The following PCSK6 variants were observed in gnomAD, a reference collection of about 807,000 sequenced individuals.
PCSK6 encodes the protein paired basic amino acid cleaving enzyme 4.
In PCSK6, 85 loss-of-function variants were observed where a neutral mutation model predicts 123.3. That is an observed-to-expected ratio of 0.69 (90% confidence interval 0.58 to 0.83). The LOEUF (loss-of-function observed/expected upper bound fraction) is 0.83, where lower values mean the gene tolerates loss of function less well. PCSK6 is among the 40% of genes least tolerant of loss of function. The pLI is 0.00. For synonymous variants in PCSK6, 508 were observed against 516.0 expected (o/e 0.98, Z 0.21); for missense variants, 1,191 against 1,282.3 (o/e 0.93, Z 1.09).
At chr15:101,474,619 C>T (rs1290164416) in intron 1 of PCSK6, among the ~76,000 whole-genome samples, 1 of 152,174 alleles carries the variant, frequency 6.6e-6, no homozygotes, top group African/African-American at 2.4e-5. Flanking sequence ...CCTTACTGAG[C>T]TGATTTTTCT....
intron 10 of PCSK6, chr15:101,384,031 G>T: frequency 1.2e-6 from 1 of 843,450 alleles, no homozygotes; most frequent in Non-Finnish European, 1.4e-6. Context: ...CATTGCTCCT[G>T]GCTTAAAGAG....
intron 19 of PCSK6, among the ~76,000 whole-genome samples, chr15:101,314,204 C>T (rs1255452073): frequency 1.3e-5 from 2 of 152,078 alleles, no homozygotes; most frequent in South Asian, 2.1e-4. Context: ...GAAGACACAA[C>T]AGTTCTGAGC....
At chr15:101,459,255 G>A (rs946816999) in intron 1 of PCSK6, among the ~76,000 whole-genome samples, 1 of 152,168 alleles carries the variant, frequency 6.6e-6, no homozygotes, top group Non-Finnish European at 1.5e-5. Flanking sequence ...CCTGCACAGG[G>A]AATCATGTGT....
At chr15:101,363,422 C>T (rs2041292508) in intron 13 of PCSK6, among the ~76,000 whole-genome samples, 1 of 152,226 alleles carries the variant, frequency 6.6e-6, no homozygotes, top group Non-Finnish European at 1.5e-5. Flanking sequence ...GCAGGCCATG[C>T]AGGCTGGCAT....
At chr15:101,423,342 C>T (rs2056147638) in intron 6 of PCSK6, among the ~76,000 whole-genome samples, 1 of 151,402 alleles carries the variant, frequency 6.6e-6, no homozygotes, top group South Asian at 2.1e-4. Context: ...TCACTGCAAC[C>T]TCCGCCTCCC....
At position 101,394,128 on chromosome 15, in the gene PCSK6, C is replaced by T. The variant is rs189474469; in HGVS notation, c.997-704G>A. Among the ~76,000 whole-genome samples, 29 of 129,914 alleles carry T rather than the reference C, an allele frequency of 2.2e-4. No homozygotes were observed. The East Asian group carries it at 4.3e-3, about 19-fold the overall frequency. 85.2% of individuals were successfully genotyped at this position (129,914 alleles called of 152,430 possible). ...CTCATTTGTGTGTAGGTTTTCTTTC[C>T]GTTTTTTTGTTTTTTGTTTTTTTTT... On this transcript the variant is annotated intron_variant, in intron 7 of 21. Coordinates refer to ENST00000611716, the MANE Select transcript of PCSK6 (RefSeq NM_002570.5).
At chr15:101,456,873 G>A (rs2057197515) in intron 1 of PCSK6, among the ~76,000 whole-genome samples, 1 of 152,154 alleles carries the variant, frequency 6.6e-6, no homozygotes, top group African/African-American at 2.4e-5. Context: ...CACTCCAGAG[G>A]GAGTATCAAG....
intron 1 of PCSK6, among the ~76,000 whole-genome samples, chr15:101,452,793 C>A (rs11639051): frequency 0.26 from 36,516 of 140,648 alleles, 4,859 homozygotes; most frequent in South Asian, 0.35. Context: ...ATTAGGGGCC[C>A]TTACAACTGA....
At chr15:101,366,540 C>T (rs1237601757) in intron 12 of PCSK6, among the ~76,000 whole-genome samples, 1 of 152,172 alleles carries the variant, frequency 6.6e-6, no homozygotes, top group Non-Finnish European at 1.5e-5. Flanking sequence ...CTCTCTCCTC[C>T]ATCACCTCCT....
chr15:101,309,379 G>A (rs1157796899), intron 20 of PCSK6, among the ~76,000 whole-genome samples: 4 of 152,330 alleles, frequency 2.6e-5, no homozygotes, highest in East Asian at 3.9e-4. Flanking sequence ...GCCCAGCAGC[G>A]GGTCCTCGTG....
intron 13 of PCSK6, among the ~76,000 whole-genome samples, chr15:101,362,791 T>C (rs1253583089): frequency 2.6e-5 from 4 of 152,306 alleles, no homozygotes; most frequent in South Asian, 2.1e-4. Context: ...TTGTAAGAGT[T>C]AGAGCCAGCA....
chr15:101,447,971 G>T lies in PCSK6; in HGVS notation c.298-4311C>A, dbSNP rs77939956. Among the ~76,000 whole-genome samples the T allele has an allele frequency of 8.1e-4, 124 of 152,324 alleles. No individual in the cohort carries two copies. The East Asian group carries it at 0.017, about 21-fold the overall frequency. On this transcript the variant is annotated intron_variant, in intron 1 of 21. Coordinates refer to ENST00000611716, the MANE Select transcript of PCSK6 (RefSeq NM_002570.5). The stretch of plus-strand genomic sequence containing the variant: ...CGCTGCCTCCACCATCCCAGGCTGC[G>T]TCCCAGTCCTGCTCAGCCCCGTGTC...
rs2040862271 is a variant in PCSK6, at chr15:101,350,517, C to A, written c.1858+15679G>T. Among the ~76,000 whole-genome samples, 3 of 152,126 alleles carry A rather than the reference C, an allele frequency of 2.0e-5. No individual in the cohort carries two copies. The South Asian group carries it at 6.2e-4, about 31-fold the overall frequency. ...ATGACTTTTTAGCATATGGAGAATTCAGATGATCACTATTTACTGATTAGC... is the reference window on the plus strand; with the variant it reads ...ATGACTTTTTAGCATATGGAGAATTAAGATGATCACTATTTACTGATTAGC... On this transcript the variant is annotated intron_variant, in intron 13 of 21. Coordinates refer to ENST00000611716, the MANE Select transcript of PCSK6 (RefSeq NM_002570.5).
intron 7 of PCSK6, among the ~76,000 whole-genome samples, chr15:101,394,567 C>T (rs942644197): frequency 6.6e-6 from 1 of 152,224 alleles, no homozygotes; most frequent in Non-Finnish European, 1.5e-5. Flanking sequence ...CTGGCCATCA[C>T]ATCCTTACTA....
intron 1 of PCSK6, among the ~76,000 whole-genome samples, chr15:101,478,921 A>G (rs1476071552): frequency 6.6e-6 from 1 of 152,176 alleles, no homozygotes; most frequent in South Asian, 2.1e-4. Flanking sequence ...TTTTCTCCAT[A>G]CTCACGCTTA....
chr15:101,315,202 G>A (rs2039960419), intron 19 of PCSK6, among the ~76,000 whole-genome samples: 1 of 152,206 alleles, frequency 6.6e-6, no homozygotes, highest in South Asian at 2.1e-4. Context: ...GGTGGCGATG[G>A]TGGCACACAA....
intron 1 of PCSK6, among the ~76,000 whole-genome samples, chr15:101,470,373 T>A (rs181521595): frequency 6.6e-6 from 1 of 152,342 alleles, no homozygotes; most frequent in East Asian, 1.9e-4. Context: ...TTATGAAATA[T>A]TTTGTTTCCT....
At chr15:101,382,312 G>GT in intron 10 of PCSK6, 103 bp from the exon 11 acceptor site, 1 of 895,094 alleles carries the variant, frequency 1.1e-6, no homozygotes, top group Non-Finnish European at 1.7e-6. Flanking sequence ...CAGAGGGACC[G>GT]TAAGACTCGA....
chr15:101,458,059 T>C (rs2047220), intron 1 of PCSK6, among the ~76,000 whole-genome samples: 105,776 of 152,064 alleles, frequency 0.7, 38,291 homozygotes, highest in Non-Finnish European at 0.82. Context: ...CCAGCCACGT[T>C]TTAGGTGGCT....
Sources: allele counts gnomAD v4.1 joint callset (sites outside exome capture counted in the v4.1 genomes callset), GRCh38; gene constraint gnomAD v4.1.1; transcripts MANE v1.5; gene names NCBI Gene and HGNC (gene_info 2026-07-23, HGNC 2026-07-21).